Variants in VCAN observed in about 807,000 individuals in gnomAD.
The protein encoded by VCAN is versican.
Under a neutral mutation model 245.5 loss-of-function variants are expected in VCAN, and 44 were observed. The observed-to-expected ratio is 0.18, with a 90% CI of 0.14 to 0.23. The LOEUF is 0.23. Ranked by LOEUF, VCAN falls within the 10% of genes least tolerant of loss-of-function variation. VCAN has a pLI of 1.00. For missense variants in VCAN, 3,793 were observed against 4,057.9 expected, an observed-to-expected ratio of 0.93 and a Z score of 1.77; for synonymous variants, 1,413 against 1,437.0, an observed-to-expected ratio of 0.98 and a Z score of 0.38.
rs1561259829 is a variant in VCAN, at chr5:83,542,149, T to C, written c.9146T>C (p.Val3049Ala). ...AATGATCAGGCAACAGTAAACCCTG[T>C]GGAATTTAATACTGAGGTTGCAACA... ...DSNDQATVNPVEFNTEVATPP... is the reference protein window; with the variant it reads ...DSNDQATVNPAEFNTEVATPP... Residue 3049 changes from valine to alanine, a missense_variant, in exon 8 of 15, where the codon GTG (valine) becomes GCG (alanine). Val to Ala is a moderately conservative substitution (Grantham distance 64, BLOSUM62 0). Coordinates refer to ENST00000265077, the MANE Select transcript of VCAN (RefSeq NM_004385.5). 6.2e-7 allele frequency: 1 copy of C among 1,614,076 alleles called. No individual in the cohort carries two copies. Among genetic ancestry groups the C allele is most frequent in the Admixed American group, 1.7e-5 (1 of 60,016 alleles).
chr5:83,493,705 C>T lies in VCAN; in HGVS notation c.605C>T (p.Ala202Val), dbSNP rs765639179. 6.2e-7 allele frequency: 1 copy of T among 1,614,138 alleles called. No homozygotes were observed. The highest frequency in any genetic ancestry group is 8.5e-7 in the Non-Finnish European group (1 of 1,180,012). The part of the protein sequence containing the change: ...GFEQCDAGWL[A>V]DQTVRYPIRA... ...GAGCAGTGTGACGCAGGCTGGCTGG[C>T]TGATCAGACTGTCAGGTAAGAGGTC... The change falls in exon 4 of 15, where the codon GCT becomes GTT. Residue 202 changes from alanine (A) to valine (V), a missense_variant. Ala to Val is a moderately conservative substitution (Grantham distance 64). This residue lies in a region of VCAN where 190 missense variants were observed against 288.6 expected (regional missense o/e 0.66). Coordinates refer to ENST00000265077, the MANE Select transcript of VCAN (RefSeq NM_004385.5).
At chr5:83,551,348 C>CA (rs1281436609) in intron 10 of VCAN, among the ~76,000 whole-genome samples, 1 of 151,564 alleles carries the variant, frequency 6.6e-6, no homozygotes, top group African/African-American at 2.4e-5. Context: ...CTGTCTCCAC[C>CA]AAAAAATACA....
In VCAN at chr5:83,520,898, G is replaced by A. The variant is rs1746064368; in HGVS notation, c.2592G>A (p.Gln864=). ...TTATTCCAGATAGTACTCAAAAGCAGTTAGAGGAGGTTACTGATGAAGACA... is the reference window on the plus strand; with the variant it reads ...TTATTCCAGATAGTACTCAAAAGCAATTAGAGGAGGTTACTGATGAAGACA... ...FTLIPDSTQK[Q]LEEVTDEDIA... Residue 864 remains glutamine, a synonymous_variant, in exon 7 of 15, where the codon CAG becomes CAA. Coordinates refer to ENST00000265077, the MANE Select transcript of VCAN (RefSeq NM_004385.5). 1.2e-6 allele frequency: 2 copies of A among 1,614,136 alleles called. No individual in the cohort carries two copies. Among genetic ancestry groups the A allele is most frequent in the Non-Finnish European group, 1.7e-6 (2 of 1,179,978 alleles).
intron 10 of VCAN, among the ~76,000 whole-genome samples, 164 bp from the exon 11 acceptor site, chr5:83,553,200 C>T (rs1287510008): frequency 1.3e-5 from 2 of 152,178 alleles, no homozygotes; most frequent in Non-Finnish European, 2.9e-5. Flanking sequence ...CAGTTGGGCT[C>T]ACTTCATAAT....
intron 10 of VCAN, among the ~76,000 whole-genome samples, chr5:83,552,973 C>T (rs892138450): frequency 6.6e-6 from 1 of 152,068 alleles, no homozygotes; most frequent in Non-Finnish European, 1.5e-5. Context: ...TTCTATTAGC[C>T]GGAACTCTTA....
chr5:83,481,009 A>C (rs1218578094), intron 1 of VCAN, among the ~76,000 whole-genome samples: 1 of 152,138 alleles, frequency 6.6e-6, no homozygotes, highest in African/African-American at 2.4e-5. Context: ...ACAACTAAGT[A>C]GTGACAGAAA....
chr5:83,526,818 G>C (rs1234797202), intron 7 of VCAN, among the ~76,000 whole-genome samples: 1 of 152,194 alleles, frequency 6.6e-6, no homozygotes, highest in East Asian at 1.9e-4. Flanking sequence ...AGTCTCACAT[G>C]TATGTGCAAA....
rs750820303 is a variant in VCAN at position 83,541,814 on chromosome 5, T to C, written c.8811T>C (p.Asp2937=). The change falls in exon 8 of 15, where the codon GAT becomes GAC. Residue 2937 remains aspartate (D), a synonymous_variant. Coordinates refer to ENST00000265077, the MANE Select transcript of VCAN (RefSeq NM_004385.5). ...TCCAAGATTTCCAAAACAAAACCGA[T>C]GGTCAAGTTTCTGGAGAAGCAATCA... ...EILQDFQNKT[D]GQVSGEAIKM... is the part of the protein sequence containing the mutation. 1.5e-5 allele frequency: 24 copies of C among 1,613,930 alleles called. No individual in the cohort carries two copies. In the South Asian group the frequency reaches 1.5e-4, roughly 10 times the overall value.
rs1172260903 is a variant in VCAN at position 83,520,010 on chromosome 5, G to C, written c.1704G>C (p.Glu568Asp). 6.2e-7 allele frequency: 1 copy of C among 1,614,066 alleles called. No homozygotes were observed. The highest frequency in any genetic ancestry group is 8.5e-7 in the Non-Finnish European group (1 of 1,179,968). ...EDRTLTVGSDESTLIFDQIPE... is the reference protein window; with the variant it reads ...EDRTLTVGSDDSTLIFDQIPE... ...GAACACTTACAGTTGGATCTGATGAGAGCACCTTGATCTTTGACCAAATTC... is the reference window on the plus strand; with the variant it reads ...GAACACTTACAGTTGGATCTGATGACAGCACCTTGATCTTTGACCAAATTC... Residue 568 changes from glutamate to aspartate, a missense_variant, in exon 7 of 15, where the codon GAG becomes GAC. Around this residue, in one of 5 missense-constraint regions of VCAN, gnomAD observed 3,182 missense variants for 3,250.3 expected, o/e 0.98. Coordinates refer to ENST00000265077, the MANE Select transcript of VCAN (RefSeq NM_004385.5).
At chr5:83,548,741 C>T (rs1747337089) in intron 10 of VCAN, among the ~76,000 whole-genome samples, 1 of 152,178 alleles carries the variant, frequency 6.6e-6, no homozygotes, top group South Asian at 2.1e-4. Flanking sequence ...ATGCTAAGCA[C>T]ACTCAGCTTT....
chr5:83,558,925 C>A (rs1368555384), intron 12 of VCAN, among the ~76,000 whole-genome samples: 2 of 151,954 alleles, frequency 1.3e-5, no homozygotes, highest in African/African-American at 4.8e-5. Context: ...CTAGCCTTAC[C>A]CTTGTGATTT....
Position 83,545,638 on chromosome 5 carries a change from C to A in VCAN, c.9367C>A (p.Gln3123Lys), listed in dbSNP as rs1488969965. 6.2e-7 allele frequency: 1 copy of A among 1,613,862 alleles called. No individual in the cohort carries two copies. The highest frequency in any genetic ancestry group is 1.1e-5 in the South Asian group (1 of 91,076). ...CTGTGTGCCAGGATACAGCGGAGACCAGTGTGAACTTGGTAAGATGGTACT... is the reference window on the plus strand; with the variant it reads ...CTGTGTGCCAGGATACAGCGGAGACAAGTGTGAACTTGGTAAGATGGTACT... The part of the protein sequence containing the change: ...CTCVPGYSGD[Q>K]CELDFDECHS... The change falls in exon 9 of 15, where the codon CAG becomes AAG. Residue 3123 changes from glutamine to lysine, a missense_variant. Physicochemically the swap from Gln to Lys is moderately conservative, Grantham distance 53 (BLOSUM62 1). This residue lies in a region of VCAN where 3,182 missense variants were observed against 3,250.3 expected (regional missense o/e 0.98). Transcript: ENST00000265077.
At chr5:83,573,248 A>T (rs975214371) in intron 13 of VCAN, among the ~76,000 whole-genome samples, 2 of 152,134 alleles carry the variant, frequency 1.3e-5, no homozygotes, top group African/African-American at 4.8e-5. Flanking sequence ...ATAGTTGTCA[A>T]CAGTTAAAAA....
intron 13 of VCAN, among the ~76,000 whole-genome samples, chr5:83,576,067 A>G (rs1347500480): frequency 1.3e-5 from 2 of 152,142 alleles, no homozygotes; most frequent in African/African-American, 4.8e-5. Context: ...TAACTATTAC[A>G]TACTTGTAAC....
rs886315823 is a variant in VCAN, at chr5:83,580,116, C to T, written c.10017C>T (p.Cys3339=). ...FIQRHLPTIR[C]LGNGRWAIPK... is the part of the protein sequence containing the mutation. Reference sequence around the variant, plus strand: ...AACGTCACCTTCCAACTATCCGGTGCTTAGGAAATGGAAGATGGGCTATAC... The same window carrying T: ...AACGTCACCTTCCAACTATCCGGTGTTTAGGAAATGGAAGATGGGCTATAC... Residue 3339 remains cysteine (C), a synonymous_variant, in exon 14 of 15, where the codon TGC becomes TGT. Coordinates refer to ENST00000265077, the MANE Select transcript of VCAN (RefSeq NM_004385.5). 1 of 1,613,894 alleles carries T rather than the reference C, an allele frequency of 6.2e-7. No homozygotes were observed. Among genetic ancestry groups the T allele is most frequent in the African/African-American group, 1.3e-5 (1 of 74,896 alleles).
Position 83,580,514 on chromosome 5 carries a change from G to T in VCAN, c.*80G>T, listed in dbSNP as rs1748637498. The T allele has an allele frequency of 1.8e-5, 29 of 1,584,322 alleles. No homozygotes were observed. In the South Asian group the frequency reaches 3.2e-4, roughly 17 times the overall value. ...TGTGCCTTTCCTATCACCTCGAGAA[G>T]TAATTATCAGTTGGTTTGGATTTTT... On this transcript the variant is annotated 3_prime_UTR_variant, in exon 15 of 15. Transcript: ENST00000265077.
intron 3 of VCAN, among the ~76,000 whole-genome samples, chr5:83,492,447 T>G (rs763937115): frequency 1.2e-4 from 19 of 152,228 alleles, no homozygotes; most frequent in African/African-American, 4.6e-4. Context: ...TTTCTATTTT[T>G]CAGTGACTTC....
At position 83,539,441 on chromosome 5, in the gene VCAN, T is replaced by C; in HGVS notation, c.6438T>C (p.Thr2146=). Reference sequence around the variant, plus strand: ...CAATCTTTGATTCACAGACATTTACTGAAACTGAACTCAAAACCACAGATT... The same window carrying C: ...CAATCTTTGATTCACAGACATTTACCGAAACTGAACTCAAAACCACAGATT... ...EQTIFDSQTF[T]ETELKTTDYS... Residue 2146 remains threonine, a synonymous_variant, in exon 8 of 15, where the codon ACT becomes ACC. Coordinates refer to ENST00000265077, the MANE Select transcript of VCAN (RefSeq NM_004385.5). The C allele has an allele frequency of 6.2e-7, 1 of 1,613,518 alleles. No homozygotes were observed. The highest frequency in any genetic ancestry group is 8.5e-7 in the Non-Finnish European group (1 of 1,179,802).
chr5:83,571,767 A>G (rs1281339748), intron 12 of VCAN, among the ~76,000 whole-genome samples: 9 of 152,162 alleles, frequency 5.9e-5, no homozygotes, highest in Non-Finnish European at 8.8e-5. Flanking sequence ...GCACAACTCA[A>G]CTGTATGGTG....
Sources: gnomAD v4.1 joint callset for allele counts (sites outside exome capture counted in the v4.1 genomes callset) on GRCh38, gnomAD v4.1.1 for gene constraint, gnomAD v4.1.1 regional missense constraint, MANE v1.5 for transcripts, NCBI Gene and HGNC (gene_info 2026-07-23, HGNC 2026-07-21) for gene names.